Variants in EFCAB8 observed in about 807,000 individuals in gnomAD.
EFCAB8 encodes the protein EF-hand calcium-binding domain-containing protein 8.
A neutral mutation model predicts 116.3 loss-of-function variants in EFCAB8; 100 were observed. The observed-to-expected ratio is 0.86, with a 90% CI of 0.73 to 1.02. The LOEUF is 1.02. Ranked by LOEUF, EFCAB8 falls within the 50% of genes least tolerant of loss-of-function variation. The pLI, the probability that EFCAB8 is intolerant of heterozygous loss-of-function variation, is 0.00. For synonymous variants in EFCAB8, 558 were observed against 567.9 expected (o/e 0.98, Z 0.25); for missense variants, 1,320 against 1,416.9 (o/e 0.93, Z 1.10).
intron 20 of EFCAB8, among the ~76,000 whole-genome samples, chr20:32,920,521 G>A (rs987026298): frequency 1.3e-5 from 2 of 152,174 alleles, no homozygotes; most frequent in Non-Finnish European, 2.9e-5. Context: ...CAATCATGGC[G>A]GGAGGCTAAA....
chr20:32,893,193 G>A lies in EFCAB8; in HGVS notation c.778G>A (p.Val260Met), dbSNP rs1484978776. The change falls in exon 9 of 27, where the codon GTG becomes ATG. Residue 260 changes from valine to methionine, a missense_variant. By Grantham distance (21) the Val-to-Met change is conservative. Coordinates refer to ENST00000400522, the MANE Select transcript of EFCAB8 (RefSeq NM_001143967.2). ...MDYWSDYHRG[V>M]FCYGDAKGNV... Reference sequence around the variant, plus strand: ...CTGCAGGTCTGACTATCACAGAGGTGTGTTCTGCTATGGAGACGCCAAAGG... The same window carrying A: ...CTGCAGGTCTGACTATCACAGAGGTATGTTCTGCTATGGAGACGCCAAAGG... 1.9e-6 allele frequency: 3 copies of A among 1,551,978 alleles called. No homozygotes were observed. Among genetic ancestry groups the A allele is most frequent in the Non-Finnish European group, 2.6e-6 (3 of 1,147,050 alleles).
intron 11 of EFCAB8, among the ~76,000 whole-genome samples, chr20:32,899,524 T>G (rs1169238572): frequency 6.6e-6 from 1 of 152,140 alleles, no homozygotes; most frequent in Non-Finnish European, 1.5e-5. Flanking sequence ...CCCTCCTTAT[T>G]CAATCGCCAT....
chr20:32,876,260 C>T (rs1375345087), intron 4 of EFCAB8, among the ~76,000 whole-genome samples: 4 of 152,196 alleles, frequency 2.6e-5, no homozygotes, highest in East Asian at 3.9e-4. Context: ...GGACAAGTGT[C>T]GTTGGCCCCT....
chr20:32,957,347 G>C (rs917967959), intron 23 of EFCAB8, among the ~76,000 whole-genome samples: 7 of 151,552 alleles, frequency 4.6e-5, no homozygotes, highest in Non-Finnish European at 8.8e-5. Flanking sequence ...ACTTTTCTGG[G>C]CTTGTATAAA....
At chr20:32,931,120 A>T in intron 21 of EFCAB8, 58 bp from the exon 22 acceptor site, 1 of 1,405,286 alleles carries the variant, frequency 7.1e-7, no homozygotes, top group African/African-American at 1.4e-5. Flanking sequence ...GAGCCCGCAG[A>T]GTGAGTTGGG....
chr20:32,937,488 AATAGAAAATCTGAATAT>A (rs1191248617), intron 22 of EFCAB8, among the ~76,000 whole-genome samples: 3 of 152,256 alleles, frequency 2.0e-5, no homozygotes, highest in African/African-American at 7.2e-5. Flanking sequence ...CTTAATAAGA[AATAGAAAATCTGAATAT>A]ATAGAAAATC....
intron 23 of EFCAB8, among the ~76,000 whole-genome samples, chr20:32,952,558 A>G (rs780855473): frequency 1.4e-4 from 22 of 152,196 alleles, no homozygotes; most frequent in African/African-American, 5.3e-4. Context: ...TTGGCCACTC[A>G]TACATCTACT....
chr20:32,937,221 C>T (rs1988157102), intron 22 of EFCAB8, among the ~76,000 whole-genome samples: 1 of 152,034 alleles, frequency 6.6e-6, no homozygotes, highest in Non-Finnish European at 1.5e-5. Flanking sequence ...CTCAGGTGAT[C>T]CGACTGCCTC....
Position 32,938,994 on chromosome 20 carries a change from TTCCTTCCCTCCTTCCC to T in EFCAB8, c.2791-4630_2791-4615del, listed in dbSNP as rs1173860048. ...TCTTTCTTTTCCTTCCCTTCCTTCC[TTCCTTCCCTCCTTCCC>T]TCCTTCCCTCCCTCCCTCCCTCCTT... On this transcript the variant is annotated intron_variant, in intron 22 of 26. Transcript: ENST00000400522. Among the ~76,000 whole-genome samples, 4 of 132,794 alleles carry T rather than the reference TTCCTTCCCTCCTTCCC, an allele frequency of 3.0e-5. No homozygotes were observed. The East Asian group carries it at 8.5e-4, about 28-fold the overall frequency. The allele number at this position is 132,794 out of a possible 152,430, so 87.1% of individuals were successfully genotyped here.
intron 23 of EFCAB8, among the ~76,000 whole-genome samples, chr20:32,944,210 C>G (rs900915019): frequency 1.3e-5 from 2 of 152,158 alleles, no homozygotes; most frequent in Admixed American, 6.5e-5. Context: ...CGCGGTGGCT[C>G]ACTACTGTAA....
intron 10 of EFCAB8, among the ~76,000 whole-genome samples, chr20:32,897,269 C>G (rs1986205173): frequency 1.3e-5 from 2 of 152,094 alleles, no homozygotes; most frequent in Admixed American, 1.3e-4. Context: ...CATGCTGTCA[C>G]CTTCACGAGA....
intron 11 of EFCAB8, among the ~76,000 whole-genome samples, chr20:32,906,281 G>A (rs1986669387): frequency 6.6e-6 from 1 of 152,204 alleles, no homozygotes; most frequent in African/African-American, 2.4e-5. Context: ...CTGCCTGGGA[G>A]CTGTCTCTAC....
chr20:32,901,995 AAATT>A (rs1986453627), intron 11 of EFCAB8, among the ~76,000 whole-genome samples: 1 of 152,192 alleles, frequency 6.6e-6, no homozygotes, highest in Non-Finnish European at 1.5e-5. Context: ...CTTGTTTTTT[AAATT>A]AATTAATTTT....
At chr20:32,953,806 T>C (rs1409238171) in intron 23 of EFCAB8, among the ~76,000 whole-genome samples, 1 of 152,064 alleles carries the variant, frequency 6.6e-6, no homozygotes, top group Non-Finnish European at 1.5e-5. Context: ...TTGATTGTGG[T>C]TTTTGTTTGT....
chr20:32,921,444 G>A (rs1160385687), intron 20 of EFCAB8, among the ~76,000 whole-genome samples: 3 of 151,540 alleles, frequency 2.0e-5, no homozygotes, highest in South Asian at 4.2e-4. Flanking sequence ...TCGAACTCCT[G>A]GGCTCAAGTG....
chr20:32,880,532 A>G, intron 5 of EFCAB8, among the ~76,000 whole-genome samples: 1 of 152,114 alleles, frequency 6.6e-6, no homozygotes, highest in Non-Finnish European at 1.5e-5. Flanking sequence ...TGGCCTCCCA[A>G]ACTGCTAGGA....
At chr20:32,952,630 A>G (rs1317086649) in intron 23 of EFCAB8, among the ~76,000 whole-genome samples, 1 of 152,118 alleles carries the variant, frequency 6.6e-6, no homozygotes, top group East Asian at 1.9e-4. Context: ...TTGTCTTTGT[A>G]TTCTTGATTT....
At chr20:32,885,437 C>T in intron 5 of EFCAB8, 68 bp from the exon 6 acceptor site, 3 of 1,537,154 alleles carry the variant, frequency 2.0e-6, no homozygotes, top group Non-Finnish European at 2.6e-6. Flanking sequence ...GCTCTCTGTT[C>T]TGCCGCAGGT....
At chr20:32,908,830 C>T (rs766033634) in intron 14 of EFCAB8, among the ~76,000 whole-genome samples, 27 of 152,254 alleles carry the variant, frequency 1.8e-4, no homozygotes, top group South Asian at 4.1e-4. Context: ...ACAGGGGCCA[C>T]GTCCGAGCAG....
Sources: gnomAD v4.1 joint callset for allele counts (sites outside exome capture counted in the v4.1 genomes callset) on GRCh38, gnomAD v4.1.1 for gene constraint, MANE v1.5 for transcripts, NCBI Gene and HGNC (gene_info 2026-07-23, HGNC 2026-07-21) for gene names.